Variants in SH3PXD2A observed in about 807,000 individuals in gnomAD.
SH3PXD2A encodes SH3 and PX domain-containing protein 2A.
Under a neutral mutation model 115.2 loss-of-function variants are expected in SH3PXD2A, and 32 were observed. The observed-to-expected ratio is 0.28, with a 90% confidence interval of 0.21 to 0.37. SH3PXD2A has a LOEUF of 0.37. Among genes scored for constraint, SH3PXD2A ranks in the 10% least tolerant of loss-of-function variants. The pLI, the probability that SH3PXD2A is intolerant of heterozygous loss-of-function variation, is 1.00. For missense variants in SH3PXD2A, 1,328 were observed against 1,498.7 expected (o/e 0.89, Z 1.88); for synonymous variants, 610 against 629.1 (o/e 0.97, Z 0.45).
intron 5 of SH3PXD2A, among the ~76,000 whole-genome samples, chr10:103,698,218 G>C (rs1299159792): frequency 1.3e-5 from 2 of 152,248 alleles, no homozygotes; most frequent in African/African-American, 4.8e-5. Context: ...AGAGAGGAAA[G>C]GGGGCTGGGC....
intron 2 of SH3PXD2A, among the ~76,000 whole-genome samples, chr10:103,780,651 C>T (rs532554757): frequency 7.6e-4 from 116 of 152,280 alleles, no homozygotes; most frequent in African/African-American, 2.6e-3. Flanking sequence ...GTCAGGCAGG[C>T]GCAGCAAACT....
intron 11 of SH3PXD2A, among the ~76,000 whole-genome samples, chr10:103,613,782 T>C (rs2133932927): frequency 6.6e-6 from 1 of 152,264 alleles, no homozygotes; most frequent in South Asian, 2.1e-4. Flanking sequence ...GACAGACATG[T>C]TGAGATCAAC....
chr10:103,672,353 C>G (rs909678640), intron 6 of SH3PXD2A, among the ~76,000 whole-genome samples: 1 of 152,244 alleles, frequency 6.6e-6, no homozygotes, highest in Admixed American at 6.5e-5. Flanking sequence ...GCCTATTGCT[C>G]TTGTCTGATG....
chr10:103,603,325 G>A lies in SH3PXD2A; in HGVS notation c.1893C>T (p.Asp631=), dbSNP rs369579140. ...ENEGFRPYAE[D]TLSARGSSGD... ...CGGAGGAGCCTCTGGCTGACAGGGT[G>A]TCCTCTGCATATGGCCGGAAGCCCT... is the stretch of plus-strand genomic sequence containing the variant. Residue 631 remains aspartate (D), a synonymous_variant, in exon 15 of 15, where the codon GAC becomes GAT. Coordinates refer to ENST00000369774, the MANE Select transcript of SH3PXD2A (RefSeq NM_001394015.1). 3.7e-6 allele frequency: 6 copies of A among 1,614,044 alleles called. No homozygotes were observed. In the African/African-American group the frequency reaches 5.3e-5, roughly 14 times the overall value.
chr10:103,692,894 G>C, intron 6 of SH3PXD2A, 134 bp downstream of exon 6: 1 of 724,738 alleles, frequency 1.4e-6, no homozygotes, highest in Non-Finnish European at 2.4e-6. Context: ...CCCCTGGCCC[G>C]GCAGGACCCG....
intron 3 of SH3PXD2A, among the ~76,000 whole-genome samples, chr10:103,745,014 G>A (rs562843812): frequency 6.6e-6 from 1 of 152,314 alleles, no homozygotes; most frequent in African/African-American, 2.4e-5. Context: ...TGATCATTAA[G>A]TACAGTCCAG....
At chr10:103,817,112 C>A (rs186716092) in intron 1 of SH3PXD2A, among the ~76,000 whole-genome samples, 1 of 146,830 alleles carries the variant, frequency 6.8e-6, no homozygotes, top group African/African-American at 2.5e-5. Context: ...CCAAAGTGTT[C>A]GGATTACAGG....
intron 13 of SH3PXD2A, among the ~76,000 whole-genome samples, chr10:103,607,367 G>A (rs1295686929): frequency 1.1e-4 from 17 of 151,782 alleles, no homozygotes; most frequent in South Asian, 2.1e-4. Context: ...AGTGAGGAGC[G>A]TCTCCGCCCA....
rs553599312 is a variant in SH3PXD2A, at chr10:103,669,956, C to T, written c.428-1304G>A. On this transcript the variant is annotated intron_variant, in intron 6 of 14. Transcript: ENST00000369774. ...ACAACGATGAGTACTATTATCCCCT[C>T]CATTTTGCAGATGAAGAAGCTGAAC... Among the ~76,000 whole-genome samples the T allele has an allele frequency of 1.9e-4, 29 of 152,348 alleles. No homozygotes were observed. In the East Asian group the frequency reaches 4.8e-3, roughly 25 times the overall value.
chr10:103,629,259 C>T (rs7084642), intron 8 of SH3PXD2A, among the ~76,000 whole-genome samples: 82 of 152,184 alleles, frequency 5.4e-4, no homozygotes, highest in Middle Eastern at 3.4e-3. Flanking sequence ...CTGAGCAGCT[C>T]GTGGTGACAG....
At chr10:103,781,734 T>G (rs548614904) in intron 2 of SH3PXD2A, among the ~76,000 whole-genome samples, 1 of 152,172 alleles carries the variant, frequency 6.6e-6, no homozygotes, top group African/African-American at 2.4e-5. Flanking sequence ...CAAACCCACA[T>G]GCACAGTGGT....
chr10:103,815,875 C>T (rs1224169293), intron 1 of SH3PXD2A, among the ~76,000 whole-genome samples: 10 of 146,232 alleles, frequency 6.8e-5, no homozygotes, highest in South Asian at 2.2e-4. Context: ...GGCAACACAG[C>T]GAGACTCCAT....
At chr10:103,823,426 A>G (rs1467862111) in intron 1 of SH3PXD2A, among the ~76,000 whole-genome samples, 2 of 152,204 alleles carry the variant, frequency 1.3e-5, no homozygotes, top group Non-Finnish European at 2.9e-5. Flanking sequence ...GGTTGGGAGC[A>G]TTATTCTGGC....
intron 2 of SH3PXD2A, among the ~76,000 whole-genome samples, chr10:103,779,978 C>T (rs569234677): frequency 2.6e-5 from 4 of 152,348 alleles, no homozygotes; most frequent in Admixed American, 2.6e-4. Context: ...CGGCTTTAAC[C>T]TTTTCCCGGC....
intron 7 of SH3PXD2A, among the ~76,000 whole-genome samples, chr10:103,667,993 G>A (rs2134076089): frequency 6.6e-6 from 1 of 152,332 alleles, no homozygotes; most frequent in East Asian, 1.9e-4. Context: ...CAGCCAGGCA[G>A]GCCAAGCTCT....
intron 2 of SH3PXD2A, among the ~76,000 whole-genome samples, chr10:103,782,491 CCTCT>C (rs1363217104): frequency 2.6e-5 from 4 of 152,278 alleles, no homozygotes; most frequent in Admixed American, 2.6e-4. Flanking sequence ...GGACAGCAGG[CCTCT>C]CTCTCCCATT....
intron 8 of SH3PXD2A, among the ~76,000 whole-genome samples, chr10:103,634,664 C>A (rs138130316): frequency 6.6e-6 from 1 of 152,142 alleles, no homozygotes; most frequent in Admixed American, 6.5e-5. Flanking sequence ...GAGCAGGTGT[C>A]TTGTATGTGC....
At position 103,767,079 on chromosome 10, in the gene SH3PXD2A, C is replaced by T. The variant is rs1439416885; in HGVS notation, c.229+15G>A. ...GGGTATCCCCCATCCCTGGGTGGAGCCACCCAATGCTTACCTGGGAGGAAG... is the reference window on the plus strand; with the variant it reads ...GGGTATCCCCCATCCCTGGGTGGAGTCACCCAATGCTTACCTGGGAGGAAG... On this transcript the variant is annotated intron_variant, in intron 3 of 14. Coordinates refer to ENST00000369774, the MANE Select transcript of SH3PXD2A (RefSeq NM_001394015.1). 5 of 1,607,352 alleles carry T rather than the reference C, an allele frequency of 3.1e-6. No homozygotes were observed. The highest frequency in any genetic ancestry group is 1.1e-5 in the South Asian group (1 of 90,758).
chr10:103,828,839 C>G lies in SH3PXD2A; in HGVS notation c.72+26356G>C, dbSNP rs529661728. The stretch of plus-strand genomic sequence containing the variant: ...TCCCCCAGCCCTAGTCACAGTTGGA[C>G]GATTGCTTGGGTGAGCCACGATACA... On this transcript the variant is annotated intron_variant, in intron 1 of 14. Coordinates refer to ENST00000369774, the MANE Select transcript of SH3PXD2A (RefSeq NM_001394015.1). Among the ~76,000 whole-genome samples, 124 of 152,318 alleles carry G rather than the reference C, an allele frequency of 8.1e-4. 1 individual carries two copies. Among genetic ancestry groups the G allele is most frequent in the Non-Finnish European group, 8.8e-4 (60 of 68,026 alleles).
Sources: gnomAD v4.1 joint callset for allele counts (sites outside exome capture counted in the v4.1 genomes callset) on GRCh38, gnomAD v4.1.1 for gene constraint, MANE v1.5 for transcripts, NCBI Gene and HGNC (gene_info 2026-07-23, HGNC 2026-07-21) for gene names.